Variants in SULF2 observed in about 807,000 individuals in gnomAD.
The protein encoded by SULF2 is sulfatase 2.
In SULF2, 52 loss-of-function variants were observed where a neutral mutation model predicts 107.7. The ratio of observed to expected loss-of-function variants is 0.48; its 90% CI spans 0.39 to 0.61. The LOEUF is 0.61. Ranked by LOEUF, SULF2 falls within the 20% of genes least tolerant of loss-of-function variation. The pLI, the probability that SULF2 is intolerant of heterozygous loss-of-function variation, is 0.00. For synonymous variants in SULF2, 460 were observed against 464.3 expected (o/e 0.99, Z 0.12); for missense variants, 993 against 1,177.3 (o/e 0.84, Z 2.29).
chr20:47,680,207 C>T lies in SULF2; in HGVS notation c.1065-1403G>A, dbSNP rs993167390. On this transcript the variant is annotated intron_variant, in intron 7 of 20. Coordinates refer to ENST00000688720, the MANE Select transcript of SULF2 (RefSeq NM_001387048.1). The surrounding 1 kb of genome is among the most constrained non-coding windows in gnomAD (Gnocchi z 4.2). ...GCAACCTCCACCTCCTGGGTTCAAG[C>T]GATTCTCATGCCTCAGCCTCCCGAG... Among the ~76,000 whole-genome samples the T allele has an allele frequency of 2.0e-5, 3 of 152,188 alleles. No individual in the cohort carries two copies. Among genetic ancestry groups the T allele is most frequent in the Admixed American group, 6.5e-5 (1 of 15,274 alleles).
chr20:47,730,197 C>T (rs2089556663), intron 3 of SULF2, among the ~76,000 whole-genome samples: 1 of 152,192 alleles, frequency 6.6e-6, no homozygotes, highest in Non-Finnish European at 1.5e-5. Context: ...CAACTGAGAG[C>T]CCTGGCAAGG....
intron 2 of SULF2, among the ~76,000 whole-genome samples, chr20:47,745,392 A>T (rs1187053597): frequency 6.3e-5 from 1 of 15,786 alleles, no homozygotes; most frequent in African/African-American, 7.9e-4. Flanking sequence ...GAAAAAAAAA[A>T]AAAAAAAAAA....
intron 11 of SULF2, among the ~76,000 whole-genome samples, chr20:47,669,472 C>T (rs1423856168): frequency 6.6e-6 from 1 of 152,238 alleles, no homozygotes; most frequent in Non-Finnish European, 1.5e-5. Flanking sequence ...CCATCACACA[C>T]AATTGTGACA....
chr20:47,702,704 G>A, intron 3 of SULF2, 34 bp from the exon 4 acceptor site: 1 of 1,608,154 alleles, frequency 6.2e-7, no homozygotes, highest in South Asian at 1.1e-5. Flanking sequence ...GGCCACGTGA[G>A]AAAGTGCCTG....
chr20:47,699,981 C>G (rs1406900586), intron 4 of SULF2, among the ~76,000 whole-genome samples: 1 of 152,108 alleles, frequency 6.6e-6, no homozygotes, highest in Non-Finnish European at 1.5e-5. Context: ...TCACAGTAGG[C>G]AGGGCCCAGG....
At chr20:47,714,371 G>A (rs2089037883) in intron 3 of SULF2, among the ~76,000 whole-genome samples, 1 of 152,082 alleles carries the variant, frequency 6.6e-6, no homozygotes, top group African/African-American at 2.4e-5. Context: ...AATGCCAGTG[G>A]GTCAAGGCTA....
chr20:47,662,283 A>G (rs941276793), intron 17 of SULF2, among the ~76,000 whole-genome samples: 6 of 152,194 alleles, frequency 3.9e-5, no homozygotes, highest in African/African-American at 1.4e-4. Context: ...ATTTGATGAA[A>G]GGACGGGTAA....
At chr20:47,708,235 G>A (rs2146628715) in intron 3 of SULF2, among the ~76,000 whole-genome samples, 1 of 152,360 alleles carries the variant, frequency 6.6e-6, no homozygotes, top group South Asian at 2.1e-4. Context: ...GCAGTGCTGT[G>A]AGAGGCCTCG....
At chr20:47,763,789 T>G (rs1471385094) in intron 1 of SULF2, among the ~76,000 whole-genome samples, 2 of 152,188 alleles carry the variant, frequency 1.3e-5, no homozygotes, top group African/African-American at 4.8e-5. Context: ...GCCTCCTAAC[T>G]GGTTTCCCTG....
intron 1 of SULF2, among the ~76,000 whole-genome samples, chr20:47,779,479 T>C (rs1034035522): frequency 6.6e-6 from 1 of 152,204 alleles, no homozygotes; most frequent in Non-Finnish European, 1.5e-5. Context: ...GCCCTCTCTG[T>C]TGCCTAACAG....
intron 4 of SULF2, among the ~76,000 whole-genome samples, chr20:47,692,556 A>G (rs1447412947): frequency 6.6e-6 from 1 of 151,936 alleles, no homozygotes; most frequent in Admixed American, 6.6e-5. Context: ...GACTATAGGC[A>G]TGTGCCACCA....
At chr20:47,661,696 G>A in intron 18 of SULF2, 77 bp downstream of exon 18, 1 of 1,357,568 alleles carries the variant, frequency 7.4e-7, no homozygotes, top group Non-Finnish European at 9.7e-7. Context: ...CTCATTCTTG[G>A]GGTAGACACC....
At chr20:47,739,435 G>A (rs1031124612) in intron 2 of SULF2, among the ~76,000 whole-genome samples, 17 of 152,154 alleles carry the variant, frequency 1.1e-4, no homozygotes, top group African/African-American at 2.9e-4. Flanking sequence ...CACATTGGCC[G>A]CCCTCCCACC....
intron 3 of SULF2, among the ~76,000 whole-genome samples, chr20:47,733,345 T>C (rs2089657965): frequency 6.6e-6 from 1 of 152,258 alleles, no homozygotes; most frequent in African/African-American, 2.4e-5. Context: ...AAGTAAAGGA[T>C]ATCATCTTGT....
chr20:47,672,226 G>A lies in SULF2; in HGVS notation c.1548C>T (p.Ala516=), dbSNP rs202215339. 1.6e-5 allele frequency: 26 copies of A among 1,610,166 alleles called. 1 individual carries two copies. The Admixed American group carries it at 1.7e-4, about 10-fold the overall frequency. The stretch of plus-strand genomic sequence containing the variant: ...TCTTGAAGAGTTTTTTCCGGCGTCC[G>A]GCCAGGCTGAGCTTGTAGTCCCCGC... ...CDSGDYKLSL[A]GRRKKLFKKK... Residue 516 remains alanine (A), a synonymous_variant, in exon 11 of 21, where the codon GCC becomes GCT. Transcript: ENST00000688720.
chr20:47,721,984 T>C (rs2089308851), intron 3 of SULF2, among the ~76,000 whole-genome samples: 1 of 152,116 alleles, frequency 6.6e-6, no homozygotes, highest in Admixed American at 6.5e-5. Context: ...AGGCCTCTCT[T>C]TCAGCTGGGG....
At chr20:47,675,456 C>T (rs2087610746) in intron 10 of SULF2, among the ~76,000 whole-genome samples, 1 of 152,184 alleles carries the variant, frequency 6.6e-6, no homozygotes, top group Non-Finnish European at 1.5e-5. Context: ...TGTGGGTTTA[C>T]AAACACACAC....
In SULF2 at chr20:47,661,820, C is replaced by T; in HGVS notation, c.2447G>A (p.Cys816Tyr). ...LHVQLMELRS[C>Y]KGYKQCNPRT... ...GGGGTTACACTGCTTGTAACCCTTG[C>T]AGCTCCTCAGCTCCATGAGCTGTAC... Residue 816 changes from cysteine to tyrosine, a missense_variant, in exon 18 of 21, where the codon TGC (cysteine) becomes TAC (tyrosine). By Grantham distance (194) the Cys-to-Tyr change is radical. Transcript: ENST00000688720. 1.3e-6 allele frequency: 2 copies of T among 1,591,146 alleles called. No homozygotes were observed. Among genetic ancestry groups the T allele is most frequent in the Non-Finnish European group, 8.6e-7 (1 of 1,164,214 alleles).
intron 11 of SULF2, among the ~76,000 whole-genome samples, chr20:47,668,468 G>C (rs891704246): frequency 2.0e-5 from 3 of 152,188 alleles, no homozygotes; most frequent in Admixed American, 2.0e-4. Context: ...CATGTCCAGA[G>C]TCCTGGAGGT....
Sources: allele counts gnomAD v4.1 joint callset (sites outside exome capture counted in the v4.1 genomes callset), GRCh38; gene constraint gnomAD v4.1.1; non-coding constraint Gnocchi (gnomAD v3.1); transcripts MANE v1.5; gene names NCBI Gene and HGNC (gene_info 2026-07-23, HGNC 2026-07-21).